HECTD4: variants seen among roughly 807,000 people sequenced by gnomAD.
HECTD4 encodes the protein probable E3 ubiquitin-protein ligase HECTD4.
A neutral mutation model predicts 471.5 loss-of-function variants in HECTD4; 114 were observed. The ratio of observed to expected loss-of-function variants is 0.24; its 90% confidence interval spans 0.21 to 0.28. The LOEUF (loss-of-function observed/expected upper bound fraction) is 0.28. Ranked by LOEUF, HECTD4 falls within the 10% of genes least tolerant of loss-of-function variation. The pLI, the probability that HECTD4 is intolerant of heterozygous loss-of-function variation, is 1.00. For missense variants in HECTD4, 3,866 were observed against 5,651.5 expected, an observed-to-expected ratio of 0.68 and a Z score of 10.13; for synonymous variants, 2,012 against 2,256.0, an observed-to-expected ratio of 0.89 and a Z score of 3.07.
chr12:112,262,385 G>A (rs1203164230), intron 17 of HECTD4, among the ~76,000 whole-genome samples: 2 of 151,248 alleles, frequency 1.3e-5, no homozygotes, highest in African/African-American at 2.4e-5. Context: ...ACAGATGGGC[G>A]CACATCTGTA....
At chr12:112,293,556 A>T (rs1477933301) in intron 7 of HECTD4, among the ~76,000 whole-genome samples, 1 of 152,064 alleles carries the variant, frequency 6.6e-6, no homozygotes, top group Non-Finnish European at 1.5e-5. Context: ...TCAATCAATC[A>T]ATCAATCAAT....
Position 112,163,847 on chromosome 12 carries a change from G to T in HECTD4, c.12702-110C>A. 9.4e-7 allele frequency: 1 copy of T among 1,065,912 alleles called. No individual in the cohort carries two copies. The highest frequency in any genetic ancestry group is 1.3e-6 in the Non-Finnish European group (1 of 783,968). 66.0% of individuals were successfully genotyped at this position (1,065,912 alleles called of 1,614,324 possible). On this transcript the variant is annotated intron_variant, in intron 73 of 75. Transcript: ENST00000682272. This position sits in a 1 kb window ranked among gnomAD's most constrained non-coding sequence, Gnocchi z 8.2. ...GGATCCTCTCTTGGGAGAGGCCTGGGGCCCAGCCGCCCTGGTCATCCCAGT... is the reference window on the plus strand; with the variant it reads ...GGATCCTCTCTTGGGAGAGGCCTGGTGCCCAGCCGCCCTGGTCATCCCAGT...
rs371332898 is a variant in HECTD4, at chr12:112,163,294, C to G, written c.12898-30G>C. 4.5e-6 allele frequency: 7 copies of G among 1,571,582 alleles called. No individual in the cohort carries two copies. The African/African-American group carries it at 9.4e-5, about 21-fold the overall frequency. ...GGAGGAGAGGTCCAGGTGTCAGGAG[C>G]CCTGGAGCCCCACCTACCCAGTGCC... On this transcript the variant is annotated intron_variant, in intron 74 of 75. Coordinates refer to ENST00000682272, the MANE Select transcript of HECTD4 (RefSeq NM_001388303.1). The surrounding 1 kb of genome is among the most constrained non-coding windows in gnomAD (Gnocchi z 8.2).
chr12:112,258,173 A>G (rs1474944873), intron 20 of HECTD4, among the ~76,000 whole-genome samples: 1 of 150,228 alleles, frequency 6.7e-6, no homozygotes, highest in Non-Finnish European at 1.5e-5. Context: ...TGGGTGACAG[A>G]ACAAGGCTCC....
At position 112,213,077 on chromosome 12, in the gene HECTD4, T is replaced by C. The variant is rs1019639999; in HGVS notation, c.7466-427A>G. On this transcript the variant is annotated intron_variant, in intron 48 of 75. Transcript: ENST00000682272. This position sits in a 1 kb window ranked among gnomAD's most constrained non-coding sequence, Gnocchi z 4.0. ...TCTCAAAGTGCTGGAATTACAGTCG[T>C]GAGCCACCACGCCCAGCCTAAGTTT... 6.6e-6 allele frequency among the ~76,000 whole-genome samples: 1 copy of C among 152,194 alleles called. No homozygotes were observed. The highest frequency in any genetic ancestry group is 2.4e-5 in the African/African-American group (1 of 41,444).
In HECTD4 at chr12:112,336,836, C is replaced by A. The variant is rs2035967115; in HGVS notation, c.178-17094G>T. ...GTACATAAGGGTTTATTATGTGATTCACCTACTCTTACGTATTTTTACAAT... is the reference window on the plus strand; with the variant it reads ...GTACATAAGGGTTTATTATGTGATTAACCTACTCTTACGTATTTTTACAAT... On this transcript the variant is annotated intron_variant, in intron 1 of 75. Coordinates refer to ENST00000682272, the MANE Select transcript of HECTD4 (RefSeq NM_001388303.1). 2.0e-5 allele frequency among the ~76,000 whole-genome samples: 3 copies of A among 152,228 alleles called. No homozygotes were observed. The South Asian group carries it at 6.2e-4, about 32-fold the overall frequency.
chr12:112,309,706 T>C (rs2035335775), intron 4 of HECTD4, 37 bp from the exon 5 acceptor site: 1 of 947,856 alleles, frequency 1.1e-6, no homozygotes, highest in African/African-American at 1.7e-5. Context: ...TATATATATG[T>C]TTTTTCTATT....
At chr12:112,164,698 G>A (rs1485900281) in intron 72 of HECTD4, among the ~76,000 whole-genome samples, 7 of 151,216 alleles carry the variant, frequency 4.6e-5, no homozygotes, top group Admixed American at 4.6e-4. Flanking sequence ...TTGGCTCGCT[G>A]CAACCCCTCG....
chr12:112,261,543 G>A (rs1356297579), intron 17 of HECTD4, 114 bp from the exon 18 acceptor site: 8 of 1,102,604 alleles, frequency 7.3e-6, no homozygotes, highest in Non-Finnish European at 1.3e-6. Context: ...TAATGAGGTG[G>A]ACAGAATAAG....
chr12:112,373,453 C>T (rs60728177), intron 1 of HECTD4, among the ~76,000 whole-genome samples: 15,877 of 151,942 alleles, frequency 0.1, 973 homozygotes, highest in East Asian at 0.23. Flanking sequence ...ACCCAGGAGG[C>T]GGAGGTTGCA....
At chr12:112,170,232 G>A (rs975326318) in intron 69 of HECTD4, 101 bp downstream of exon 69, 111 of 1,471,504 alleles carry the variant, frequency 7.5e-5, no homozygotes, top group Non-Finnish European at 9.4e-5. Context: ...AGGAGGAACC[G>A]CTGCACCAGC....
At chr12:112,330,237 A>C (rs1004040859) in intron 1 of HECTD4, among the ~76,000 whole-genome samples, 2 of 151,504 alleles carry the variant, frequency 1.3e-5, no homozygotes, top group Non-Finnish European at 2.9e-5. Context: ...AGATCGCACC[A>C]CTGCACTCCA....
At chr12:112,203,326 A>C in intron 54 of HECTD4, 1 of 204,048 alleles carries the variant, frequency 4.9e-6, no homozygotes. Context: ...TTCCCTGGGA[A>C]CTTGGGTAGA....
intron 62 of HECTD4, among the ~76,000 whole-genome samples, chr12:112,181,067 G>A (rs576843221): frequency 2.0e-5 from 3 of 151,612 alleles, no homozygotes; most frequent in Admixed American, 2.0e-4. Context: ...TCAGGAGTTC[G>A]AGTCCAGCCT....
At chr12:112,363,844 C>T (rs553420822) in intron 1 of HECTD4, among the ~76,000 whole-genome samples, 154 of 151,508 alleles carry the variant, frequency 1.0e-3, no homozygotes, top group African/African-American at 3.5e-3. Flanking sequence ...GCAGTGGTGG[C>T]GTGCGCCTGC....
intron 7 of HECTD4, 24 bp from the exon 8 acceptor site, chr12:112,283,326 C>G: frequency 6.4e-7 from 1 of 1,564,990 alleles, no homozygotes; most frequent in Non-Finnish European, 8.7e-7. Flanking sequence ...AAAGGAGGTC[C>G]TAAAATGATA....
At chr12:112,287,137 C>T (rs1384397738) in intron 7 of HECTD4, among the ~76,000 whole-genome samples, 1 of 152,174 alleles carries the variant, frequency 6.6e-6, no homozygotes, top group Non-Finnish European at 1.5e-5. Flanking sequence ...GCCTTATGTG[C>T]CCCGCAAGCT....
At chr12:112,364,687 C>CGGCACT (rs1739528291) in intron 1 of HECTD4, among the ~76,000 whole-genome samples, 2 of 152,112 alleles carry the variant, frequency 1.3e-5, no homozygotes, top group Admixed American at 6.6e-5. Context: ...CGTGACTGCG[C>CGGCACT]GCCACTGCCC....
chr12:112,338,736 C>CA (rs910131322), intron 1 of HECTD4, among the ~76,000 whole-genome samples: 74 of 152,280 alleles, frequency 4.9e-4, no homozygotes, highest in African/African-American at 1.8e-3. Flanking sequence ...ATGGTGCCAG[C>CA]ATCTGCTTGG....
Sources: gnomAD v4.1 joint callset for allele counts (sites outside exome capture counted in the v4.1 genomes callset) on GRCh38, gnomAD v4.1.1 for gene constraint, Gnocchi (gnomAD v3.1) non-coding constraint, MANE v1.5 for transcripts, NCBI Gene and HGNC (gene_info 2026-07-23, HGNC 2026-07-21) for gene names.